The following SV2C variants were observed in gnomAD, a reference collection of about 807,000 sequenced individuals.
SV2C encodes synaptic vesicle glycoprotein 2C, also known as solute carrier family 22 member B3.
A neutral mutation model predicts 79.7 loss-of-function variants in SV2C; 49 were observed. That is an observed-to-expected ratio of 0.61 (90% CI 0.49 to 0.78). The LOEUF (loss-of-function observed/expected upper bound fraction) is 0.78. Among genes scored for constraint, SV2C ranks in the 30% least tolerant of loss-of-function variants. SV2C has a pLI of 0.00. For missense variants in SV2C, 833 were observed against 912.9 expected (o/e 0.91, Z 1.13); for synonymous variants, 334 against 333.2 (o/e 1.00, Z -0.03).
chr5:76,117,855 C>T (rs1748328426), intron 1 of SV2C, among the ~76,000 whole-genome samples: 1 of 152,084 alleles, frequency 6.6e-6, no homozygotes, highest in Non-Finnish European at 1.5e-5. Context: ...AAGCAGAAAA[C>T]ATGAACAAAG....
the SV2C span, among the ~76,000 whole-genome samples, chr5:75,883,281 G>A: frequency 1.5e-5 from 2 of 136,258 alleles, no homozygotes; most frequent in Admixed American, 7.2e-5. Flanking sequence ...AAGTCAGTGT[G>A]GCGATTCCTC....
At chr5:76,157,325 A>G (rs1458950426) in intron 2 of SV2C, among the ~76,000 whole-genome samples, 1 of 152,132 alleles carries the variant, frequency 6.6e-6, no homozygotes, top group Non-Finnish European at 1.5e-5. Flanking sequence ...GCTATCTTTC[A>G]TAATAAAAGC....
At chr5:76,015,617 C>T in the SV2C span, among the ~76,000 whole-genome samples, 1 of 151,564 alleles carries the variant, frequency 6.6e-6, no homozygotes. Flanking sequence ...TTTAAAAATC[C>T]CCTTAATTCA....
the SV2C span, among the ~76,000 whole-genome samples, chr5:76,054,787 G>A: frequency 0.018 from 2,693 of 152,234 alleles, 40 homozygotes; most frequent in South Asian, 0.048. Flanking sequence ...CTGCATAAAT[G>A]TCTTCTTTTG....
chr5:76,074,003 T>C, the SV2C span, among the ~76,000 whole-genome samples: 1 of 152,162 alleles, frequency 6.6e-6, no homozygotes, highest in Non-Finnish European at 1.5e-5. Flanking sequence ...CCTCATTGGT[T>C]GAGGGTTCAC....
intron 8 of SV2C, 117 bp downstream of exon 8, chr5:76,291,973 AT>A (rs552529377): frequency 4.4e-6 from 3 of 688,618 alleles, no homozygotes; most frequent in South Asian, 2.2e-5. Context: ...TAAGGAAGAA[AT>A]TTTTTTCAGC....
chr5:76,175,514 A>G (rs1251323004), intron 2 of SV2C, among the ~76,000 whole-genome samples: 5 of 152,212 alleles, frequency 3.3e-5, no homozygotes, highest in African/African-American at 4.8e-5. Context: ...AAGTGCAGAG[A>G]GAAAATTAGA....
At chr5:76,266,045 G>C (rs1211521360) in intron 4 of SV2C, among the ~76,000 whole-genome samples, 2 of 152,194 alleles carry the variant, frequency 1.3e-5, no homozygotes, top group East Asian at 1.9e-4. Flanking sequence ...GGCAGGTGGG[G>C]TGTGCCCGGA....
chr5:76,102,530 G>C (rs1047106523), intron 1 of SV2C, among the ~76,000 whole-genome samples: 1 of 152,212 alleles, frequency 6.6e-6, no homozygotes, highest in Non-Finnish European at 1.5e-5. Context: ...GGTGAACCCA[G>C]GAGGTGACAC....
chr5:76,232,384 AG>A (rs1331831231), intron 4 of SV2C, among the ~76,000 whole-genome samples: 1 of 150,394 alleles, frequency 6.6e-6, no homozygotes, highest in Non-Finnish European at 1.5e-5. Flanking sequence ...CTCATTTTGT[AG>A]GTTGCCTGTT....
chr5:76,240,702 T>C (rs895180523), intron 4 of SV2C, among the ~76,000 whole-genome samples: 1 of 152,168 alleles, frequency 6.6e-6, no homozygotes, highest in African/African-American at 2.4e-5. Flanking sequence ...GTGCTCTGGG[T>C]TCACCTCTCA....
intron 2 of SV2C, among the ~76,000 whole-genome samples, chr5:76,187,586 T>C (rs894962399): frequency 4.5e-4 from 69 of 152,188 alleles, no homozygotes; most frequent in Non-Finnish European, 6.9e-4. Flanking sequence ...TACATATGCC[T>C]TTGATGTTAT....
the SV2C span, among the ~76,000 whole-genome samples, chr5:76,041,054 G>T: frequency 2.1e-4 from 32 of 152,234 alleles, 1 homozygote; most frequent in African/African-American, 7.5e-4. Flanking sequence ...GGGGCAGAAG[G>T]GAGAGGGCAG....
chr5:75,916,282 C>T, the SV2C span, among the ~76,000 whole-genome samples: 1 of 147,366 alleles, frequency 6.8e-6, no homozygotes, highest in South Asian at 2.3e-4. Context: ...TCACCTTCCT[C>T]CTCCTCCTCC....
chr5:76,260,508 G>A (rs976024070), intron 4 of SV2C, among the ~76,000 whole-genome samples: 1 of 152,154 alleles, frequency 6.6e-6, no homozygotes, highest in Non-Finnish European at 1.5e-5. Context: ...TAGTCATGAA[G>A]TCTATGCCCA....
chr5:76,061,349 C>T, the SV2C span, among the ~76,000 whole-genome samples: 1 of 144,982 alleles, frequency 6.9e-6, no homozygotes, highest in Non-Finnish European at 1.5e-5. Flanking sequence ...ACAAAGTATG[C>T]TTGTATTAAA....
At chr5:76,260,060 A>G (rs529237407) in intron 4 of SV2C, among the ~76,000 whole-genome samples, 37 of 152,314 alleles carry the variant, frequency 2.4e-4, no homozygotes, top group African/African-American at 8.9e-4. Flanking sequence ...AACTCCCACT[A>G]ACAGTGTAAA....
the SV2C span, among the ~76,000 whole-genome samples, chr5:76,078,016 G>A: frequency 6.6e-6 from 1 of 152,206 alleles, no homozygotes; most frequent in African/African-American, 2.4e-5. Flanking sequence ...CATCAACTTA[G>A]GAGTCAATCA....
the SV2C span, chr5:75,910,906 C>A: frequency 1.0e-6 from 1 of 973,156 alleles, no homozygotes; most frequent in Non-Finnish European, 1.7e-6. Flanking sequence ...AACATTCCAA[C>A]AAAGTCTTTG....
Sources: allele counts gnomAD v4.1 joint callset (sites outside exome capture counted in the v4.1 genomes callset), GRCh38; gene constraint gnomAD v4.1.1; transcripts MANE v1.5; gene names NCBI Gene and HGNC (gene_info 2026-07-23, HGNC 2026-07-21).